Variants in MED15 observed in about 807,000 individuals in gnomAD.
MED15 encodes the protein mediator of RNA polymerase II transcription subunit 15.
A neutral mutation model predicts 118.7 loss-of-function variants in MED15; 41 were observed. The observed-to-expected ratio is 0.35, with a 90% CI of 0.27 to 0.45. The LOEUF is 0.45. Among genes scored for constraint, MED15 ranks in the 20% least tolerant of loss-of-function variants. The probability of loss-of-function intolerance (pLI) is 1.00; values close to 1 mark genes in which losing one functional copy is unlikely to be tolerated. For missense variants in MED15, 740 were observed against 1,025.5 expected (o/e 0.72, Z 3.80); for synonymous variants, 436 against 413.9 (o/e 1.05, Z -0.65).
At chr22:20,559,906 G>C (rs1013790208) in intron 5 of MED15, among the ~76,000 whole-genome samples, 1 of 152,134 alleles carries the variant, frequency 6.6e-6, no homozygotes, top group Non-Finnish European at 1.5e-5. Context: ...AAGGTAAAAT[G>C]GGAAAAGAAA....
rs1362374619 is a variant in MED15 at position 20,552,508 on chromosome 22, C to A, written c.209-637C>A. 2.8e-5 allele frequency: 12 copies of A among 435,598 alleles called. 1 individual carries two copies. Among genetic ancestry groups the A allele is most frequent in the Non-Finnish European group, 2.8e-5 (6 of 211,842 alleles). The allele number at this position is 435,598 out of a possible 1,614,324, so 27.0% of individuals were successfully genotyped here. ...CAGCCCAGATGATCTGGCCCAGATG[C>A]GCTGGCAGACTCCGCATGTTCTGCT... On this transcript the variant is annotated intron_variant, in intron 3 of 17. Transcript: ENST00000263205.
chr22:20,516,579 G>C (rs2054265972), intron 1 of MED15, among the ~76,000 whole-genome samples: 1 of 151,810 alleles, frequency 6.6e-6, no homozygotes, highest in African/African-American at 2.4e-5. Flanking sequence ...CATCCACCCT[G>C]ACCAGAGGTC....
chr22:20,521,545 G>A (rs975011503), intron 1 of MED15, among the ~76,000 whole-genome samples: 2 of 148,060 alleles, frequency 1.4e-5, no homozygotes, highest in Non-Finnish European at 3.0e-5. Context: ...CACCACACCC[G>A]GCTAATTTTT....
rs918308073 is a variant in MED15, at chr22:20,585,364, C to T, written c.2131+97C>T. ...AAGCCAGATGGCACAGCGCCCAGAA[C>T]CCACCCTGTGTTCACGCCCCGCCAG... On this transcript the variant is annotated intron_variant, in intron 16 of 17. Coordinates refer to ENST00000263205, the MANE Select transcript of MED15 (RefSeq NM_001003891.3). The T allele has an allele frequency of 2.7e-6, 4 of 1,489,602 alleles. No individual in the cohort carries two copies. The Admixed American group carries it at 7.4e-5, about 28-fold the overall frequency. 92.3% of individuals were successfully genotyped at this position (1,489,602 alleles called of 1,614,324 possible).
intron 1 of MED15, among the ~76,000 whole-genome samples, chr22:20,527,098 T>G (rs1110462): frequency 0.056 from 8,524 of 152,226 alleles, 321 homozygotes; most frequent in South Asian, 0.089. Flanking sequence ...CTCAGCCTCA[T>G]ATGACTTGTC....
intron 2 of MED15, chr22:20,551,104 C>T (rs1462784340): frequency 5.5e-6 from 3 of 542,360 alleles, no homozygotes; most frequent in Non-Finnish European, 7.3e-6. Flanking sequence ...CCTCATCACC[C>T]CCAACCTGCC....
intron 1 of MED15, among the ~76,000 whole-genome samples, chr22:20,511,980 A>G (rs1483906561): frequency 9.9e-6 from 1 of 101,234 alleles, no homozygotes; most frequent in African/African-American, 4.5e-5. Context: ...CTTCTTGAAC[A>G]TTCTAAGCTT....
chr22:20,512,101 A>G (rs115796981), intron 1 of MED15, among the ~76,000 whole-genome samples: 5,334 of 146,672 alleles, frequency 0.036, 292 homozygotes, highest in African/African-American at 0.13. Context: ...CGATCCTCCC[A>G]CTGTAGCCTT....
At position 20,566,847 on chromosome 22, in the gene MED15, A is replaced by G. The variant is rs754506798; in HGVS notation, c.1041+30A>G. 5 of 1,605,604 alleles carry G rather than the reference A, an allele frequency of 3.1e-6. No homozygotes were observed. In the South Asian group the frequency reaches 4.4e-5, roughly 14 times the overall value. The stretch of plus-strand genomic sequence containing the variant: ...GTACCTGTGGCCCACAGTGGAGCAC[A>G]TGCAGCCCGTGGCTCTGTCAGCAGT... On this transcript the variant is annotated intron_variant, in intron 7 of 17. Transcript: ENST00000263205.
intron 9 of MED15, among the ~76,000 whole-genome samples, chr22:20,580,247 G>A (rs1006676964): frequency 3.3e-5 from 5 of 152,296 alleles, no homozygotes; most frequent in Admixed American, 1.3e-4. Context: ...TGAGATTGCC[G>A]CTTCAGGGCC....
intron 2 of MED15, among the ~76,000 whole-genome samples, chr22:20,538,428 T>G (rs1462253982): frequency 6.6e-6 from 1 of 152,042 alleles, no homozygotes; most frequent in Non-Finnish European, 1.5e-5. Flanking sequence ...TTTTTTATTT[T>G]TTGTGGAGAC....
intron 8 of MED15, 120 bp downstream of exon 8, chr22:20,568,751 G>T: frequency 6.8e-7 from 1 of 1,471,728 alleles, no homozygotes; most frequent in Non-Finnish European, 9.1e-7. Context: ...TGGTAAAGCA[G>T]GGGCTTCTCT....
chr22:20,554,791 G>A, intron 4 of MED15, 145 bp from the exon 5 acceptor site: 1 of 751,178 alleles, frequency 1.3e-6, no homozygotes, highest in Non-Finnish European at 2.1e-6. Flanking sequence ...GAGTCTCCAG[G>A]AGCCTAGTCT....
chr22:20,564,609 TGCAGCA>T lies in MED15; in HGVS notation c.623_628del (p.Gln208_Gln209del), dbSNP rs749884434. 6.8e-6 allele frequency: 11 copies of T among 1,607,916 alleles called. No homozygotes were observed. Among genetic ancestry groups the T allele is most frequent in the Middle Eastern group, 3.3e-4 (2 of 6,072 alleles). ...ATGCAGCAGCAGTTCCAAGCAGTAG[TGCAGCA>T]GCAGCAGCAGCTCCAGCAGCAGCAG... On this transcript the variant is annotated inframe_deletion, in exon 6 of 18. Coordinates refer to ENST00000263205, the MANE Select transcript of MED15 (RefSeq NM_001003891.3).
intron 2 of MED15, among the ~76,000 whole-genome samples, chr22:20,543,208 T>C (rs2055386238): frequency 5.1e-5 from 1 of 19,710 alleles, no homozygotes; most frequent in African/African-American, 1.1e-4. Context: ...GTTGCTTTTT[T>C]TTTTTTTTTT....
chr22:20,587,545 G>A lies in MED15; in HGVS notation c.*841G>A, dbSNP rs1305371902. On this transcript the variant is annotated 3_prime_UTR_variant, in exon 18 of 18. Transcript: ENST00000263205. ...TCTGGGCACCGGCCAGCACCCTCTG[G>A]TGAGAAGAGGTCCCCCCTTTTTATG... is the stretch of plus-strand genomic sequence containing the variant. The A allele has an allele frequency of 2.9e-6, 1 of 343,582 alleles. No homozygotes were observed. The highest frequency in any genetic ancestry group is 4.1e-5 in the Admixed American group (1 of 24,394). The allele number at this position is 343,582 out of a possible 1,614,324, so 21.3% of individuals were successfully genotyped here.
Position 20,586,902 on chromosome 22 carries a change from TG to T in MED15, c.*204del. On this transcript the variant is annotated 3_prime_UTR_variant, in exon 18 of 18. Coordinates refer to ENST00000263205, the MANE Select transcript of MED15 (RefSeq NM_001003891.3). ...GATAGGCGCAGTGGAGCGGGTTGCT[TG>T]GGGGGCGTTGGCCGACTTCTTAGAG... 2 of 819,406 alleles carry T rather than the reference TG, an allele frequency of 2.4e-6. No homozygotes were observed. The highest frequency in any genetic ancestry group is 3.7e-6 in the Non-Finnish European group (2 of 546,992). 50.8% of individuals were successfully genotyped at this position (819,406 alleles called of 1,614,324 possible).
rs911939369 is a variant in MED15 at position 20,553,014 on chromosome 22, A to G, written c.209-131A>G. 6.6e-6 allele frequency: 5 copies of G among 761,650 alleles called. No individual in the cohort carries two copies. The African/African-American group carries it at 8.8e-5, about 13-fold the overall frequency. The allele number at this position is 761,650 out of a possible 1,614,324, so 47.2% of individuals were successfully genotyped here. A position where few individuals can be genotyped will look rare whatever the true frequency, so the allele number is the denominator to read the frequency against. On this transcript the variant is annotated intron_variant, in intron 3 of 17. Transcript: ENST00000263205. ...CAAGAGTAGAAACACTTCCCCCAGT[A>G]GTGGGGAGTACTAGGAGCTCCGTGG...
chr22:20,525,536 T>C (rs2054605828), intron 1 of MED15, among the ~76,000 whole-genome samples: 1 of 117,760 alleles, frequency 8.5e-6, no homozygotes, highest in South Asian at 2.3e-4. Flanking sequence ...TTCTCTTTTT[T>C]TTTTTTTTTT....
Sources: allele counts gnomAD v4.1 joint callset (sites outside exome capture counted in the v4.1 genomes callset), GRCh38; gene constraint gnomAD v4.1.1; transcripts MANE v1.5; gene names NCBI Gene and HGNC (gene_info 2026-07-23, HGNC 2026-07-21).